Variants in PPP1R42 observed in about 807,000 individuals in gnomAD.
PPP1R42 encodes leucine rich repeat containing 67.
Under a neutral mutation model 31.0 loss-of-function variants are expected in PPP1R42, and 34 were observed. That is an observed-to-expected ratio of 1.10 (90% CI 0.83 to 1.46). PPP1R42 has a LOEUF of 1.46. PPP1R42 is among the 40% of genes most tolerant of loss of function. The probability of loss-of-function intolerance (pLI) is 0.00; values close to 1 mark genes in which losing one functional copy is unlikely to be tolerated. For missense variants in PPP1R42, 268 were observed against 303.0 expected (o/e 0.88, Z 0.86); for synonymous variants, 103 against 109.8 (o/e 0.94, Z 0.39).
At chr8:67,008,394 A>G (rs973963407) in intron 5 of PPP1R42, among the ~76,000 whole-genome samples, 24 of 152,100 alleles carry the variant, frequency 1.6e-4, no homozygotes, top group African/African-American at 4.8e-4. Flanking sequence ...CACAGGGGAG[A>G]TGATATCAAG....
intron 4 of PPP1R42, among the ~76,000 whole-genome samples, chr8:67,011,933 G>C (rs1220173336): frequency 6.6e-6 from 1 of 152,016 alleles, no homozygotes; most frequent in African/African-American, 2.4e-5. Context: ...TATAAATTTG[G>C]GTCAAAATCC....
At chr8:66,983,997 G>T in intron 6 of PPP1R42, 2 of 855,486 alleles carry the variant, frequency 2.3e-6, no homozygotes, top group Non-Finnish European at 3.8e-6. Context: ...AAGGGAGCAA[G>T]ATATTCTCCC....
chr8:66,989,271 G>A (rs1297277287), intron 5 of PPP1R42, among the ~76,000 whole-genome samples: 2 of 152,084 alleles, frequency 1.3e-5, no homozygotes, highest in Admixed American at 6.6e-5. Context: ...ATAAATGTAA[G>A]GAAAACAGAT....
intron 5 of PPP1R42, among the ~76,000 whole-genome samples, chr8:66,995,183 A>C (rs1369474117): frequency 6.6e-6 from 1 of 152,228 alleles, no homozygotes; most frequent in Non-Finnish European, 1.5e-5. Flanking sequence ...AAATATAGAG[A>C]TGCTGCCCAG....
chr8:67,016,152 G>T (rs1434834148), intron 2 of PPP1R42, among the ~76,000 whole-genome samples: 1 of 152,136 alleles, frequency 6.6e-6, no homozygotes, highest in African/African-American at 2.4e-5. Flanking sequence ...AAACCAGAAA[G>T]GGATCTAGAA....
At chr8:67,022,044 A>C (rs1299195041) in intron 1 of PPP1R42, among the ~76,000 whole-genome samples, 2 of 152,158 alleles carry the variant, frequency 1.3e-5, no homozygotes, top group East Asian at 3.8e-4. Flanking sequence ...AAGGTTTAAA[A>C]CTAGGAGTGG....
intron 1 of PPP1R42, among the ~76,000 whole-genome samples, chr8:67,024,092 G>GC (rs1816310876): frequency 6.6e-6 from 1 of 151,866 alleles, no homozygotes; most frequent in African/African-American, 2.4e-5. Flanking sequence ...GTTGCAGTGA[G>GC]CTGAGATCGT....
At chr8:67,010,544 A>G in intron 5 of PPP1R42, 171 bp downstream of exon 5, 1 of 561,780 alleles carries the variant, frequency 1.8e-6, no homozygotes. Flanking sequence ...ACTAAATAAG[A>G]GGACAGAATT....
intron 1 of PPP1R42, among the ~76,000 whole-genome samples, chr8:67,018,970 T>C (rs927288351): frequency 4.0e-5 from 6 of 150,518 alleles, no homozygotes; most frequent in African/African-American, 1.5e-4. Context: ...GCTGGGACTA[T>C]AGGCACACGC....
chr8:66,982,005 C>A, intron 7 of PPP1R42, 44 bp downstream of exon 7: 1 of 1,300,864 alleles, frequency 7.7e-7, no homozygotes, highest in Non-Finnish European at 9.8e-7. Flanking sequence ...AGAATATTTC[C>A]TTTGCTAGAA....
chr8:67,013,077 T>A lies in PPP1R42; in HGVS notation c.316A>T (p.Ile106Phe). ...LEKLYLGGNY[I>F]AVIEGLEGLG... Reference sequence around the variant, plus strand: ...CCTTCTAAACCTTCTATGACAGCAATGTAATTGCCTCCCAGATACCTGCAA... The same window carrying A: ...CCTTCTAAACCTTCTATGACAGCAAAGTAATTGCCTCCCAGATACCTGCAA... The change falls in exon 4 of 8, where the codon ATT becomes TTT. Residue 106 changes from isoleucine (I) to phenylalanine (F), a missense_variant. Physicochemically the swap from Ile to Phe is conservative, Grantham distance 21. Coordinates refer to ENST00000685739, the MANE Select transcript of PPP1R42 (RefSeq NM_001364910.1). The A allele has an allele frequency of 6.3e-7, 1 of 1,599,762 alleles. No homozygotes were observed. The highest frequency in any genetic ancestry group is 1.8e-5 in the Admixed American group (1 of 57,006).
intron 1 of PPP1R42, among the ~76,000 whole-genome samples, chr8:67,018,364 C>A (rs886533228): frequency 6.6e-6 from 1 of 151,606 alleles, no homozygotes; most frequent in African/African-American, 2.4e-5. Flanking sequence ...GCAATTGGCC[C>A]GCCTCGGCCT....
chr8:66,990,685 C>T (rs766738593), intron 5 of PPP1R42, among the ~76,000 whole-genome samples: 2 of 152,158 alleles, frequency 1.3e-5, no homozygotes, highest in Non-Finnish European at 2.9e-5. Context: ...TAATGATGAC[C>T]GCTGATGAAC....
intron 7 of PPP1R42, among the ~76,000 whole-genome samples, chr8:66,977,056 C>T (rs1410025929): frequency 4.2e-5 from 6 of 144,452 alleles, no homozygotes; most frequent in Admixed American, 3.5e-4. Context: ...TTTTTTTAGA[C>T]GTAGTCTTGC....
chr8:67,003,026 G>T (rs1025010031), intron 5 of PPP1R42, among the ~76,000 whole-genome samples: 1 of 150,270 alleles, frequency 6.7e-6, no homozygotes, highest in Non-Finnish European at 1.5e-5. Context: ...TTAGCTGGGC[G>T]TGGTGGCGGG....
chr8:66,982,677 G>A (rs1336730969), intron 6 of PPP1R42, among the ~76,000 whole-genome samples: 1 of 151,666 alleles, frequency 6.6e-6, no homozygotes, highest in Admixed American at 6.6e-5. Context: ...AGGCTGGCCT[G>A]GAACTCCTGA....
intron 5 of PPP1R42, among the ~76,000 whole-genome samples, chr8:66,998,261 C>T (rs1585661358): frequency 6.6e-6 from 1 of 152,242 alleles, no homozygotes; most frequent in East Asian, 1.9e-4. Flanking sequence ...TTGTACAGCT[C>T]TTGCACAGTT....
intron 5 of PPP1R42, among the ~76,000 whole-genome samples, chr8:67,010,043 CTAT>C (rs1815798305): frequency 6.6e-6 from 1 of 152,190 alleles, no homozygotes; most frequent in South Asian, 2.1e-4. Flanking sequence ...AGGAAGCCTT[CTAT>C]AGCCCTAGGC....
intron 7 of PPP1R42, among the ~76,000 whole-genome samples, chr8:66,964,730 AGATT>A (rs1408106637): frequency 6.6e-6 from 1 of 152,190 alleles, no homozygotes; most frequent in Non-Finnish European, 1.5e-5. Context: ...ATAAAACAGT[AGATT>A]AATTGGTACT....
Sources: allele counts gnomAD v4.1 joint callset (sites outside exome capture counted in the v4.1 genomes callset), GRCh38; gene constraint gnomAD v4.1.1; transcripts MANE v1.5; gene names NCBI Gene and HGNC (gene_info 2026-07-23, HGNC 2026-07-21).